BRINP1: variants seen among roughly 807,000 people sequenced by gnomAD.
BRINP1 encodes the protein BMP/retinoic acid inducible neural specific 1, also known as BMP/retinoic acid-inducible neural-specific protein 1.
Under a neutral mutation model 72.9 loss-of-function variants are expected in BRINP1, and 17 were observed. That is an observed-to-expected ratio of 0.23 (90% CI 0.16 to 0.35). The LOEUF (loss-of-function observed/expected upper bound fraction) is 0.35, where lower values mean the gene tolerates loss of function less well. Among genes scored for constraint, BRINP1 ranks in the 10% least tolerant of loss-of-function variants. BRINP1 has a pLI of 1.00. For missense variants in BRINP1, 850 were observed against 1,001.6 expected (o/e 0.85, Z 2.04); for synonymous variants, 418 against 378.5 (o/e 1.10, Z -1.21).
chr9:119,279,680 G>A (rs1014557121), intron 2 of BRINP1, among the ~76,000 whole-genome samples: 2 of 152,130 alleles, frequency 1.3e-5, no homozygotes, highest in Non-Finnish European at 2.9e-5. Context: ...CTAATGAACT[G>A]ATGAAAATAA....
chr9:119,198,755 T>G (rs1829773028), intron 7 of BRINP1, among the ~76,000 whole-genome samples: 1 of 151,780 alleles, frequency 6.6e-6, no homozygotes, highest in Non-Finnish European at 1.5e-5. Flanking sequence ...CACTGCAATC[T>G]CCGCCTCCCA....
chr9:119,259,862 C>T (rs1281432834), intron 2 of BRINP1, among the ~76,000 whole-genome samples: 1 of 152,188 alleles, frequency 6.6e-6, no homozygotes, highest in Admixed American at 6.5e-5. Context: ...TTAATTCCCT[C>T]TGCCACAGTG....
At chr9:119,168,262 A>C (rs1829345486) in intron 7 of BRINP1, 38 bp from the exon 8 acceptor site, 1 of 1,451,188 alleles carries the variant, frequency 6.9e-7, no homozygotes. Flanking sequence ...GTTAGCTACC[A>C]TGAGTGGGTC....
chr9:119,235,009 C>T (rs866523127), intron 5 of BRINP1, among the ~76,000 whole-genome samples: 1 of 152,140 alleles, frequency 6.6e-6, no homozygotes, highest in Non-Finnish European at 1.5e-5. Context: ...ACTAAATCCT[C>T]GTCATAATGC....
intron 7 of BRINP1, among the ~76,000 whole-genome samples, chr9:119,194,010 G>A (rs1231961693): frequency 2.6e-5 from 4 of 152,090 alleles, no homozygotes; most frequent in Non-Finnish European, 5.9e-5. Context: ...AGGACTACAC[G>A]GAGAGACCTT....
At chr9:119,352,912 C>T (rs1831520302) in intron 1 of BRINP1, among the ~76,000 whole-genome samples, 1 of 152,178 alleles carries the variant, frequency 6.6e-6, no homozygotes, top group South Asian at 2.1e-4. Flanking sequence ...GGTTTCCAGA[C>T]CCTTTTCTTT....
chr9:119,200,241 G>A (rs546823892), intron 7 of BRINP1, among the ~76,000 whole-genome samples: 38 of 152,292 alleles, frequency 2.5e-4, no homozygotes, highest in African/African-American at 9.1e-4. Flanking sequence ...GAAGTTATAA[G>A]AACAAAGTTA....
chr9:119,307,224 G>A (rs995840995), intron 2 of BRINP1, among the ~76,000 whole-genome samples: 2 of 151,624 alleles, frequency 1.3e-5, no homozygotes, highest in Admixed American at 6.6e-5. Flanking sequence ...AAGTGTCCCC[G>A]TAGGAAGCAA....
At chr9:119,361,945 A>G (rs1306529137) in intron 1 of BRINP1, among the ~76,000 whole-genome samples, 1 of 151,704 alleles carries the variant, frequency 6.6e-6, no homozygotes, top group African/African-American at 2.4e-5. Context: ...CTGGGATTAC[A>G]AGCACACGCC....
chr9:119,222,029 C>T (rs10984446), intron 5 of BRINP1, among the ~76,000 whole-genome samples: 2 of 152,000 alleles, frequency 1.3e-5, no homozygotes, highest in East Asian at 1.9e-4. Context: ...CAAACTTAAA[C>T]AAGTTCACAT....
chr9:119,176,666 C>G (rs1343702841), intron 7 of BRINP1, among the ~76,000 whole-genome samples: 1 of 152,074 alleles, frequency 6.6e-6, no homozygotes, highest in Non-Finnish European at 1.5e-5. Context: ...CTTAAAAGAG[C>G]CTGGCACAGA....
intron 2 of BRINP1, among the ~76,000 whole-genome samples, chr9:119,309,009 T>C (rs1445167157): frequency 1.3e-5 from 2 of 150,980 alleles, no homozygotes; most frequent in African/African-American, 4.9e-5. Flanking sequence ...CAAAAAGGTA[T>C]TGGAAACACA....
At chr9:119,215,707 T>C (rs1286535837) in intron 5 of BRINP1, among the ~76,000 whole-genome samples, 1 of 152,224 alleles carries the variant, frequency 6.6e-6, no homozygotes, top group Non-Finnish European at 1.5e-5. Context: ...TGTCTTCACA[T>C]GGCAGCTAAA....
intron 7 of BRINP1, among the ~76,000 whole-genome samples, chr9:119,172,968 G>C (rs888360855): frequency 2.7e-5 from 4 of 150,354 alleles, no homozygotes; most frequent in Non-Finnish European, 5.9e-5. Context: ...ATTAGGTATT[G>C]ATGGGACGTA....
At chr9:119,237,289 G>A (rs72761704) in intron 5 of BRINP1, among the ~76,000 whole-genome samples, 28,866 of 151,354 alleles carry the variant, frequency 0.19, 3,077 homozygotes, top group Non-Finnish European at 0.25. Context: ...ATACATCATC[G>A]GTAACCTAGA....
chr9:119,301,576 G>C (rs921333502), intron 2 of BRINP1, among the ~76,000 whole-genome samples: 1 of 152,162 alleles, frequency 6.6e-6, no homozygotes, highest in African/African-American at 2.4e-5. Context: ...CATCTTTGTG[G>C]TGAGGGAGCT....
At chr9:119,332,838 C>T (rs939446099) in intron 1 of BRINP1, among the ~76,000 whole-genome samples, 1 of 152,226 alleles carries the variant, frequency 6.6e-6, no homozygotes, top group Middle Eastern at 3.4e-3. Context: ...CAAGTGCCAG[C>T]TGTTTAAAGC....
chr9:119,216,504 T>C (rs188203425), intron 5 of BRINP1, among the ~76,000 whole-genome samples: 9 of 152,306 alleles, frequency 5.9e-5, no homozygotes, highest in Admixed American at 5.9e-4. Context: ...CTGAACTGAG[T>C]CTACAATTCT....
intron 2 of BRINP1, among the ~76,000 whole-genome samples, chr9:119,265,247 A>C (rs928777965): frequency 3.3e-5 from 5 of 152,106 alleles, no homozygotes; most frequent in African/African-American, 1.2e-4. Context: ...CTGCACGAGA[A>C]TGGAAAAGTG....
Sources: gnomAD v4.1 joint callset for allele counts (sites outside exome capture counted in the v4.1 genomes callset) on GRCh38, gnomAD v4.1.1 for gene constraint, MANE v1.5 for transcripts, NCBI Gene and HGNC (gene_info 2026-07-23, HGNC 2026-07-21) for gene names.